Variants in LMX1A observed in about 807,000 individuals in gnomAD.
The protein encoded by LMX1A is LIM homeobox transcription factor 1-alpha.
In LMX1A, 15 loss-of-function variants were observed where a neutral mutation model predicts 49.1. That is an observed-to-expected ratio of 0.31 (90% CI 0.20 to 0.47). The LOEUF (loss-of-function observed/expected upper bound fraction) is 0.47. Among genes scored for constraint, LMX1A ranks in the 20% least tolerant of loss-of-function variants. The pLI is 1.00. For synonymous variants in LMX1A, 167 were observed against 185.7 expected (o/e 0.90, Z 0.82); for missense variants, 372 against 475.8 (o/e 0.78, Z 2.03).
intron 4 of LMX1A, among the ~76,000 whole-genome samples, chr1:165,244,213 C>T (rs1367006666): frequency 2.0e-5 from 3 of 152,212 alleles, no homozygotes; most frequent in African/African-American, 7.2e-5. Context: ...TTCCCCCATA[C>T]CTTGCCCTAT....
intron 4 of LMX1A, among the ~76,000 whole-genome samples, chr1:165,223,478 C>T (rs1651925263): frequency 6.6e-6 from 1 of 152,112 alleles, no homozygotes; most frequent in African/African-American, 2.4e-5. Context: ...TGCCTTCCTA[C>T]CTCTAGTAGG....
chr1:165,269,828 G>A (rs1359086987), intron 3 of LMX1A, among the ~76,000 whole-genome samples: 1 of 152,172 alleles, frequency 6.6e-6, no homozygotes, highest in Non-Finnish European at 1.5e-5. Context: ...TCACTTATAA[G>A]TGGGAGCCAA....
chr1:165,239,708 T>C (rs1652577734), intron 4 of LMX1A, among the ~76,000 whole-genome samples: 3 of 152,182 alleles, frequency 2.0e-5, no homozygotes, highest in African/African-American at 7.2e-5. Flanking sequence ...AATCGGGAAA[T>C]GTTCATGAAG....
chr1:165,240,785 G>C (rs4657421), intron 4 of LMX1A, among the ~76,000 whole-genome samples: 152,073 of 152,318 alleles, frequency 1, 75,914 homozygotes, highest in Middle Eastern at 1. Context: ...AAGTCAAGTC[G>C]ACTCCGAAAG....
intron 3 of LMX1A, among the ~76,000 whole-genome samples, chr1:165,300,198 T>G (rs1287556002): frequency 6.6e-6 from 1 of 152,210 alleles, no homozygotes; most frequent in East Asian, 1.9e-4. Context: ...ATCCGGAGCA[T>G]TCACCAAATC....
chr1:165,225,435 G>A (rs536109150), intron 4 of LMX1A, among the ~76,000 whole-genome samples: 4 of 152,306 alleles, frequency 2.6e-5, no homozygotes, highest in Admixed American at 2.6e-4. Flanking sequence ...GTCTCAAGAT[G>A]ATCTTAATGT....
intron 4 of LMX1A, among the ~76,000 whole-genome samples, chr1:165,221,499 C>A (rs192956053): frequency 9.2e-5 from 14 of 152,260 alleles, no homozygotes; most frequent in African/African-American, 3.4e-4. Flanking sequence ...GCAGAGCAGA[C>A]AGAAACCAAG....
Position 165,203,693 on chromosome 1 carries a change from T to C in LMX1A, c.*187A>G, listed in dbSNP as rs968157223. 5 of 512,576 alleles carry C rather than the reference T, an allele frequency of 9.8e-6. No individual in the cohort carries two copies. Among genetic ancestry groups the C allele is most frequent in the South Asian group, 3.9e-5 (1 of 25,600 alleles). The allele number at this position is 512,576 out of a possible 1,614,324, so 31.8% of individuals were successfully genotyped here. ...GACTCTTATTAGAAACATTAAACTATGCAATCCATAATGTATTCAGTCTTT... is the reference window on the plus strand; with the variant it reads ...GACTCTTATTAGAAACATTAAACTACGCAATCCATAATGTATTCAGTCTTT... On this transcript the variant is annotated 3_prime_UTR_variant, in exon 9 of 9. Transcript: ENST00000342310.
Position 165,353,058 on chromosome 1 carries a change from G to C in LMX1A, c.263+18C>G. Reference sequence around the variant, plus strand: ...GATGCCAGTGCGCGGGGAGCGCTGCGGGGGTGCGGCCACTTACTTCTCGTA... The same window carrying C: ...GATGCCAGTGCGCGGGGAGCGCTGCCGGGGTGCGGCCACTTACTTCTCGTA... On this transcript the variant is annotated intron_variant, in intron 3 of 8. Coordinates refer to ENST00000342310, the MANE Select transcript of LMX1A (RefSeq NM_177398.4). 1 of 1,612,682 alleles carries C rather than the reference G, an allele frequency of 6.2e-7. No individual in the cohort carries two copies. The highest frequency in any genetic ancestry group is 8.5e-7 in the Non-Finnish European group (1 of 1,179,122).
At chr1:165,278,113 CAAGG>C (rs10595255) in intron 3 of LMX1A, among the ~76,000 whole-genome samples, 62,385 of 151,476 alleles carry the variant, frequency 0.41, 13,113 homozygotes, top group African/African-American at 0.47. Flanking sequence ...TTAACTTGGC[CAAGG>C]AAGGTCACAA....
chr1:165,254,888 C>A (rs1653184146), intron 3 of LMX1A, among the ~76,000 whole-genome samples: 2 of 152,238 alleles, frequency 1.3e-5, no homozygotes. Context: ...GTCATAAATT[C>A]TCCTACCCCT....
intron 8 of LMX1A, among the ~76,000 whole-genome samples, chr1:165,205,471 G>A (rs1651037116): frequency 6.6e-6 from 1 of 152,174 alleles, no homozygotes. Context: ...TAGAAAATTT[G>A]TCTTCTGTGC....
intron 8 of LMX1A, among the ~76,000 whole-genome samples, chr1:165,205,008 T>G (rs995706855): frequency 1.1e-4 from 17 of 151,890 alleles, no homozygotes; most frequent in Non-Finnish European, 2.1e-4. Flanking sequence ...TTTTTTTTCA[T>G]GAAGGCAAAA....
intron 3 of LMX1A, among the ~76,000 whole-genome samples, chr1:165,311,953 G>T (rs1350659162): frequency 6.6e-6 from 1 of 152,192 alleles, no homozygotes; most frequent in Non-Finnish European, 1.5e-5. Flanking sequence ...TGCCACCATG[G>T]CCATTCTAGC....
intron 3 of LMX1A, among the ~76,000 whole-genome samples, chr1:165,270,617 G>A (rs1653765318): frequency 6.6e-6 from 1 of 152,142 alleles, no homozygotes; most frequent in Non-Finnish European, 1.5e-5. Flanking sequence ...GTATCAGGAT[G>A]TTTTAGAAAA....
chr1:165,349,852 A>G (rs1174309603), intron 3 of LMX1A, among the ~76,000 whole-genome samples: 1 of 152,192 alleles, frequency 6.6e-6, no homozygotes, highest in Non-Finnish European at 1.5e-5. Flanking sequence ...CCATAAAGAG[A>G]CAGCTAATAA....
intron 4 of LMX1A, among the ~76,000 whole-genome samples, chr1:165,241,688 A>C (rs900723328): frequency 1.8e-4 from 28 of 152,248 alleles, no homozygotes; most frequent in African/African-American, 6.0e-4. Flanking sequence ...GGATAATCCC[A>C]GAGAAGAGTT....
At chr1:165,235,418 A>ACACACACACT (rs1553203943) in intron 4 of LMX1A, among the ~76,000 whole-genome samples, 5 of 134,692 alleles carry the variant, frequency 3.7e-5, no homozygotes, top group African/African-American at 9.7e-5. Context: ...ACACACACAC[A>ACACACACACT]CACACTCACA....
chr1:165,261,380 G>T (rs1368475355), intron 3 of LMX1A, among the ~76,000 whole-genome samples: 3 of 152,130 alleles, frequency 2.0e-5, no homozygotes, highest in African/African-American at 7.2e-5. Context: ...CTTTCAAAGA[G>T]ATAAGAAAAT....
Sources: gnomAD v4.1 joint callset for allele counts (sites outside exome capture counted in the v4.1 genomes callset) on GRCh38, gnomAD v4.1.1 for gene constraint, MANE v1.5 for transcripts, NCBI Gene and HGNC (gene_info 2026-07-23, HGNC 2026-07-21) for gene names.